ANXA8: variants seen among roughly 807,000 people sequenced by gnomAD.
ANXA8 encodes the protein annexin A8.
In ANXA8, 9 loss-of-function variants were observed where a neutral mutation model predicts 26.8. The observed-to-expected ratio is 0.34, with a 90% CI of 0.20 to 0.59. The LOEUF is 0.59. ANXA8 is among the 20% of genes least tolerant of loss of function. The pLI, the probability that ANXA8 is intolerant of heterozygous loss-of-function variation, is 0.84. For missense variants in ANXA8, 83 were observed against 238.5 expected (o/e 0.35, Z 4.29); for synonymous variants, 39 against 94.8 (o/e 0.41, Z 3.42).
At chr10:47,761,108 AC>A in the ANXA8 span, among the ~76,000 whole-genome samples, 1 of 149,172 alleles carries the variant, frequency 6.7e-6, no homozygotes, top group East Asian at 2.0e-4. Flanking sequence ...ACACGCACAC[AC>A]ACACACACAC....
chr10:47,733,165 C>CT, the ANXA8 span, among the ~76,000 whole-genome samples: 1 of 99,644 alleles, frequency 1.0e-5, no homozygotes, highest in African/African-American at 3.2e-5. Context: ...TTCTTTCTTT[C>CT]TTTCTTTCTT....
the ANXA8 span, among the ~76,000 whole-genome samples, chr10:47,746,546 C>T: frequency 1.8e-5 from 1 of 56,920 alleles, no homozygotes; most frequent in East Asian, 4.4e-4. Context: ...GGCGTGGTAG[C>T]GCATGCCTGT....
chr10:47,561,207 C>A, the ANXA8 span, among the ~76,000 whole-genome samples: 1 of 151,794 alleles, frequency 6.6e-6, no homozygotes, highest in Non-Finnish European at 1.5e-5. Context: ...GAAACAATTG[C>A]AAATAATTAT....
the ANXA8 span, among the ~76,000 whole-genome samples, chr10:47,724,286 C>T: frequency 2.2e-5 from 3 of 136,968 alleles, 1 homozygote; most frequent in East Asian, 8.6e-4. Flanking sequence ...AGCACACCAG[C>T]AGTCTCTTGG....
At chr10:47,496,135 AG>A in the ANXA8 span, 1 of 151,474 alleles carries the variant, frequency 6.6e-6, no homozygotes, top group East Asian at 1.9e-4. Context: ...GCTTCTGTGC[AG>A]GAAGGGCAGG....
the ANXA8 span, among the ~76,000 whole-genome samples, chr10:47,901,735 C>T: frequency 1.5e-5 from 2 of 133,500 alleles, no homozygotes; most frequent in South Asian, 5.0e-4. Flanking sequence ...AACAATTTAC[C>T]ACATAAGAGT....
Position 47,483,854 on chromosome 10 carries a change from C to G in ANXA8, c.21+59G>C, listed in dbSNP as rs1236120451. The stretch of plus-strand genomic sequence containing the variant: ...GCGACTTTACATTTCTCAGGACTCC[C>G]TGGTGACCAGCACCCAACACCATGC... On this transcript the variant is annotated intron_variant, in intron 1 of 11. Transcript: ENST00000585281. 3.7e-6 allele frequency: 6 copies of G among 1,611,424 alleles called. No individual in the cohort carries two copies. The African/African-American group carries it at 6.7e-5, about 18-fold the overall frequency.
At chr10:47,620,915 A>G in the ANXA8 span, among the ~76,000 whole-genome samples, 2 of 111,252 alleles carry the variant, frequency 1.8e-5, no homozygotes, top group African/African-American at 7.0e-5. Context: ...AGCTCCAGGT[A>G]AAATTATGCT....
chr10:47,650,416 T>G, the ANXA8 span, among the ~76,000 whole-genome samples: 1 of 151,464 alleles, frequency 6.6e-6, no homozygotes, highest in Non-Finnish European at 1.5e-5. Context: ...AGAATGGGAT[T>G]AAATATTTGC....
intron 1 of ANXA8, among the ~76,000 whole-genome samples, chr10:47,480,962 G>A (rs1315180579): frequency 8.4e-6 from 1 of 118,518 alleles, no homozygotes; most frequent in Admixed American, 9.3e-5. Context: ...TGGTATATCT[G>A]TAAGTATCTT....
chr10:47,599,634 C>T, the ANXA8 span: 1 of 148,704 alleles, frequency 6.7e-6, no homozygotes, highest in Admixed American at 6.6e-5. Context: ...AAACATGTAC[C>T]TGCGTGATCA....
the ANXA8 span, among the ~76,000 whole-genome samples, chr10:47,536,630 G>A: frequency 2.4e-5 from 3 of 127,220 alleles, no homozygotes; most frequent in East Asian, 2.9e-4. Context: ...TATATACCCC[G>A]CCCTTCAAAA....
At chr10:47,585,653 G>C in the ANXA8 span, among the ~76,000 whole-genome samples, 1 of 144,002 alleles carries the variant, frequency 6.9e-6, no homozygotes, top group Non-Finnish European at 1.5e-5. Context: ...TGCAGTCAGT[G>C]ATCAACAAAA....
At chr10:47,951,027 C>A in the ANXA8 span, among the ~76,000 whole-genome samples, 3 of 150,458 alleles carry the variant, frequency 2.0e-5, no homozygotes, top group Non-Finnish European at 4.4e-5. Context: ...ATAAAAAGTT[C>A]TTTGAAAAGA....
the ANXA8 span, among the ~76,000 whole-genome samples, chr10:47,945,106 T>A: frequency 6.6e-6 from 1 of 150,482 alleles, no homozygotes; most frequent in Non-Finnish European, 1.5e-5. Context: ...CCCCCAAGAC[T>A]GGCTCAGGCC....
the ANXA8 span, among the ~76,000 whole-genome samples, chr10:47,952,015 T>C: frequency 1.3e-5 from 2 of 150,352 alleles, no homozygotes; most frequent in African/African-American, 4.9e-5. Flanking sequence ...GGTGATGATC[T>C]AGATAGATGT....
the ANXA8 span, among the ~76,000 whole-genome samples, chr10:47,530,180 T>G: frequency 2.9e-5 from 4 of 140,004 alleles, no homozygotes; most frequent in African/African-American, 8.0e-5. Flanking sequence ...AACATTGTCT[T>G]GATTATGGTG....
At chr10:47,744,223 G>C in the ANXA8 span, among the ~76,000 whole-genome samples, 1 of 149,270 alleles carries the variant, frequency 6.7e-6, no homozygotes, top group African/African-American at 2.5e-5. Flanking sequence ...GGAATGTTGC[G>C]GCCCTGCAGG....
At chr10:47,510,938 T>TAA in the ANXA8 span, among the ~76,000 whole-genome samples, 973 of 123,274 alleles carry the variant, frequency 7.9e-3, 14 homozygotes, top group Admixed American at 0.011. Flanking sequence ...ATTAATTAAT[T>TAA]TATTTATTTA....
Sources: gnomAD v4.1 joint callset for allele counts (sites outside exome capture counted in the v4.1 genomes callset) on GRCh38, gnomAD v4.1.1 for gene constraint, MANE v1.5 for transcripts, NCBI Gene and HGNC (gene_info 2026-07-23, HGNC 2026-07-21) for gene names.